PLS3: variants seen among roughly 807,000 people sequenced by gnomAD.
PLS3 encodes plastin 3.
Under a neutral mutation model 46.5 loss-of-function variants are expected in PLS3, and 11 were observed. That is an observed-to-expected ratio of 0.24 (90% CI 0.15 to 0.39). The LOEUF (loss-of-function observed/expected upper bound fraction) is 0.39. Ranked by LOEUF, PLS3 falls within the 10% of genes least tolerant of loss-of-function variation. PLS3 has a pLI of 1.00. For synonymous variants in PLS3, 167 were observed against 162.2 expected, an observed-to-expected ratio of 1.03 and a Z score of -0.22; for missense variants, 308 against 461.8, an observed-to-expected ratio of 0.67 and a Z score of 3.05.
chrX:115,615,744 G>C (rs986896308), intron 2 of PLS3, among the ~76,000 whole-genome samples: 4 of 111,410 alleles, frequency 3.6e-5, no homozygotes, highest in Non-Finnish European at 7.5e-5. Flanking sequence ...ATAAGGTAGA[G>C]TTTCCTTTAT....
intron 1 of PLS3, among the ~76,000 whole-genome samples, 169 bp downstream of exon 1, chrX:115,561,429 C>T (rs901645702): frequency 9.0e-6 from 1 of 111,386 alleles, no homozygotes; most frequent in East Asian, 2.9e-4. Context: ...TTGGAGCCCT[C>T]GGGCGCCCGG....
intron 7 of PLS3, among the ~76,000 whole-genome samples, chrX:115,636,555 T>TA (rs1310193296): frequency 3.6e-5 from 4 of 112,052 alleles, no homozygotes; most frequent in African/African-American, 1.3e-4. Flanking sequence ...TATACAAACA[T>TA]ATGACATAAT....
At position 115,578,542 on chromosome X, in the gene PLS3, G is replaced by A. The variant is rs781793900; in HGVS notation, c.-9+17282G>A. On this transcript the variant is annotated intron_variant, in intron 1 of 15. Transcript: ENST00000355899. ...AGATCGAGACCATCCTGGCTAACACGGTGAAACCTCGTCCCTACTAAAAAT... is the reference window on the plus strand; with the variant it reads ...AGATCGAGACCATCCTGGCTAACACAGTGAAACCTCGTCCCTACTAAAAAT... Among the ~76,000 whole-genome samples the A allele has an allele frequency of 6.4e-5, 7 of 109,184 alleles. No individual in the cohort carries two copies. The East Asian group carries it at 1.4e-3, about 22-fold the overall frequency. 94.8% of individuals were successfully genotyped at this position (109,184 alleles called of 115,157 possible).
At chrX:115,607,009 T>G (rs781783555) in intron 1 of PLS3, among the ~76,000 whole-genome samples, 1 of 110,302 alleles carries the variant, frequency 9.1e-6, no homozygotes, top group South Asian at 4.0e-4. Context: ...TACCAGCACT[T>G]TGGGAGGCTG....
At chrX:115,614,355 A>T in intron 2 of PLS3, 2 of 750,477 alleles carry the variant, frequency 2.7e-6, no homozygotes, top group Non-Finnish European at 3.1e-6. Flanking sequence ...AAAAGGACTG[A>T]TAAACATTTT....
At chrX:115,618,833 G>A (rs1556637150) in intron 2 of PLS3, among the ~76,000 whole-genome samples, 1 of 111,494 alleles carries the variant, frequency 9.0e-6, no homozygotes, top group Non-Finnish European at 1.9e-5. Flanking sequence ...GGAGGTTGTA[G>A]TGAGCCAAGA....
In PLS3 at chrX:115,564,671, T is replaced by C. The variant is rs144840420; in HGVS notation, c.-9+3411T>C. 8.7e-3 allele frequency among the ~76,000 whole-genome samples: 976 copies of C among 112,614 alleles called. 7 individuals are homozygous for C. Among genetic ancestry groups the C allele is most frequent in the African/African-American group, 0.03 (920 of 31,024 alleles). The stretch of plus-strand genomic sequence containing the variant: ...GGATTTTCATGAAATGTACTGACAG[T>C]GTTCTTAGCACATATGATAAATTCA... On this transcript the variant is annotated intron_variant, in intron 1 of 15. Transcript: ENST00000355899.
chrX:115,604,218 A>C (rs1316364180), intron 1 of PLS3, among the ~76,000 whole-genome samples: 2 of 112,000 alleles, frequency 1.8e-5, no homozygotes, highest in Non-Finnish European at 3.8e-5. Flanking sequence ...CTCTGTAGTC[A>C]GTAATTATAG....
chrX:115,637,106 A>AT (rs1376157824), intron 8 of PLS3, 128 bp downstream of exon 8: 60 of 618,632 alleles, frequency 9.7e-5, no homozygotes, highest in Non-Finnish European at 1.4e-4. Context: ...CTGAAGGTAG[A>AT]TTTTAGAAGA....
intron 1 of PLS3, among the ~76,000 whole-genome samples, chrX:115,567,240 G>T (rs782552811): frequency 9.0e-6 from 1 of 111,323 alleles, no homozygotes; most frequent in South Asian, 3.8e-4. Context: ...AGGACAACAC[G>T]CAGGTCTGGG....
In PLS3 at chrX:115,587,458, G is replaced by A. The variant is rs12393654; in HGVS notation, c.-8-22785G>A. On this transcript the variant is annotated intron_variant, in intron 1 of 15. Coordinates refer to ENST00000355899, the MANE Select transcript of PLS3 (RefSeq NM_005032.7). ...CTTTTTAAAAATAGAAAACCAGGCC[G>A]GGCGCGGTGGCTCACGCCTGTAATC... Among the ~76,000 whole-genome samples, 645 of 112,035 alleles carry A rather than the reference G, an allele frequency of 5.8e-3. 2 individuals are homozygous for A. The highest frequency in any genetic ancestry group is 0.019 in the African/African-American group (600 of 30,910).
At chrX:115,569,612 C>T (rs1018610724) in intron 1 of PLS3, among the ~76,000 whole-genome samples, 1 of 111,887 alleles carries the variant, frequency 8.9e-6, no homozygotes, top group Non-Finnish European at 1.9e-5. Context: ...GCTTAAATTA[C>T]AAGCACTTGA....
At chrX:115,577,983 G>A (rs13441238) in intron 1 of PLS3, among the ~76,000 whole-genome samples, 1,670 of 111,781 alleles carry the variant, frequency 0.015, 22 homozygotes, top group African/African-American at 0.047. Flanking sequence ...AAAAATCACC[G>A]TCTTTATGAA....
chrX:115,629,768 G>T, intron 4 of PLS3, 67 bp from the exon 5 acceptor site: 1 of 712,802 alleles, frequency 1.4e-6, no homozygotes. Context: ...ACTATTTTAG[G>T]CTTTGGAGTC....
intron 8 of PLS3, among the ~76,000 whole-genome samples, chrX:115,637,797 G>A (rs1217221912): frequency 8.9e-6 from 1 of 111,963 alleles, no homozygotes; most frequent in African/African-American, 3.2e-5. Context: ...ACTATGTGAT[G>A]ATATGATTTT....
intron 2 of PLS3, among the ~76,000 whole-genome samples, chrX:115,620,683 CTTTTTTCTTTTTTTTTTCTTTTCTTT>C (rs1442442480): frequency 6.5e-4 from 55 of 84,490 alleles, no homozygotes; most frequent in African/African-American, 2.5e-3. Context: ...ACCCCTTATG[CTTTTTTCTTTTTTTTTTCTTTTCTTT>C]TTTTTTTTTT....
At chrX:115,602,219 G>A (rs1372696157) in intron 1 of PLS3, among the ~76,000 whole-genome samples, 2 of 111,980 alleles carry the variant, frequency 1.8e-5, no homozygotes, top group Non-Finnish European at 3.8e-5. Context: ...CCACTAGACA[G>A]TAAGCTCTTC....
At chrX:115,561,913 C>T (rs1188805589) in intron 1 of PLS3, among the ~76,000 whole-genome samples, 2 of 111,376 alleles carry the variant, frequency 1.8e-5, no homozygotes, top group African/African-American at 3.3e-5. Context: ...ACCTAGTCTC[C>T]CTATGAGTAA....
intron 3 of PLS3, among the ~76,000 whole-genome samples, chrX:115,628,443 G>T (rs1217832815): frequency 8.9e-6 from 1 of 112,022 alleles, no homozygotes; most frequent in African/African-American, 3.2e-5. Flanking sequence ...ATTTAGCCAC[G>T]CACATTGGTG....
Sources: gnomAD v4.1 joint callset for allele counts (sites outside exome capture counted in the v4.1 genomes callset) on GRCh38, gnomAD v4.1.1 for gene constraint, MANE v1.5 for transcripts, NCBI Gene and HGNC (gene_info 2026-07-23, HGNC 2026-07-21) for gene names.